Variants in FMN2 observed in about 807,000 individuals in gnomAD.
FMN2 encodes formin-2.
A neutral mutation model predicts 142.3 loss-of-function variants in FMN2; 51 were observed. That is an observed-to-expected ratio of 0.36 (90% CI 0.29 to 0.45). The LOEUF is 0.45. FMN2 is among the 20% of genes least tolerant of loss of function. The probability of loss-of-function intolerance (pLI) is 1.00; values close to 1 mark genes in which losing one functional copy is unlikely to be tolerated. For synonymous variants in FMN2, 882 were observed against 869.8 expected (o/e 1.01, Z -0.25); for missense variants, 1,936 against 2,122.8 (o/e 0.91, Z 1.73).
chr1:240,121,195 G>C (rs1401769999), intron 1 of FMN2, among the ~76,000 whole-genome samples: 1 of 151,532 alleles, frequency 6.6e-6, no homozygotes, highest in African/African-American at 2.4e-5. Flanking sequence ...CTATAGCTAT[G>C]ACTCTGCACT....
intron 1 of FMN2, among the ~76,000 whole-genome samples, chr1:240,097,581 T>G (rs1180599406): frequency 2.6e-5 from 4 of 152,120 alleles, no homozygotes; most frequent in African/African-American, 9.7e-5. Context: ...GGTCTTGATC[T>G]CCTGACCTCG....
chr1:240,468,985 G>A (rs1017054969), intron 16 of FMN2, among the ~76,000 whole-genome samples: 1 of 152,144 alleles, frequency 6.6e-6, no homozygotes, highest in African/African-American at 2.4e-5. Context: ...TCAGAGTTTT[G>A]TTGAAATAAA....
At chr1:240,436,080 T>A (rs572385014) in intron 15 of FMN2, among the ~76,000 whole-genome samples, 11 of 152,322 alleles carry the variant, frequency 7.2e-5, no homozygotes, top group African/African-American at 2.6e-4. Flanking sequence ...TGTCTTAGAC[T>A]CTGTGTGTTC....
chr1:240,222,365 C>T (rs1404382479), intron 6 of FMN2, among the ~76,000 whole-genome samples: 1 of 152,036 alleles, frequency 6.6e-6, no homozygotes, highest in Non-Finnish European at 1.5e-5. Context: ...GTTTTGGTAC[C>T]AGTACCATGC....
chr1:240,308,332 TA>T (rs1467541454), intron 8 of FMN2, among the ~76,000 whole-genome samples: 3 of 152,204 alleles, frequency 2.0e-5, no homozygotes, highest in African/African-American at 7.2e-5. Flanking sequence ...TAGAACTTTG[TA>T]AGACTTGAAC....
intron 16 of FMN2, 141 bp from the exon 17 acceptor site, chr1:240,472,231 A>G (rs1572349110): frequency 3.2e-6 from 2 of 631,372 alleles, no homozygotes; most frequent in East Asian, 3.0e-5. Context: ...TTCAAATGTC[A>G]GATAACATTC....
intron 6 of FMN2, among the ~76,000 whole-genome samples, chr1:240,229,198 G>A (rs1572093758): frequency 6.6e-6 from 1 of 152,124 alleles, no homozygotes; most frequent in African/African-American, 2.4e-5. Context: ...GGAGGAAGGA[G>A]GATTGAAAGC....
At chr1:240,199,652 C>A (rs913842058) in intron 4 of FMN2, among the ~76,000 whole-genome samples, 2 of 152,158 alleles carry the variant, frequency 1.3e-5, no homozygotes, top group Non-Finnish European at 2.9e-5. Context: ...GGAATTTTGG[C>A]TGACTTACTG....
chr1:240,225,345 G>A (rs1415550402), intron 6 of FMN2, among the ~76,000 whole-genome samples: 1 of 152,198 alleles, frequency 6.6e-6, no homozygotes, highest in Non-Finnish European at 1.5e-5. Flanking sequence ...GTGGTTAAGG[G>A]TAAAACCCTA....
chr1:240,142,520 G>A (rs938677411), intron 2 of FMN2: 8 of 368,230 alleles, frequency 2.2e-5, no homozygotes, highest in African/African-American at 3.4e-5. Flanking sequence ...GGGGATAAAG[G>A]TCTTTATTGA....
intron 6 of FMN2, among the ~76,000 whole-genome samples, chr1:240,233,023 G>A (rs137861585): frequency 1.2e-4 from 19 of 152,160 alleles, no homozygotes; most frequent in Non-Finnish European, 2.2e-4. Context: ...TGTTGCCCAC[G>A]CTTTTAAAAA....
chr1:240,099,760 T>C (rs1423153438), intron 1 of FMN2, among the ~76,000 whole-genome samples: 2 of 152,238 alleles, frequency 1.3e-5, no homozygotes, highest in Non-Finnish European at 2.9e-5. Context: ...CAGACCTTAC[T>C]GGCTGTCATC....
chr1:240,325,844 T>C (rs896627832), intron 8 of FMN2, among the ~76,000 whole-genome samples: 1 of 152,214 alleles, frequency 6.6e-6, no homozygotes, highest in African/African-American at 2.4e-5. Flanking sequence ...ACGGCTGTGA[T>C]GTACCTGATG....
chr1:240,213,206 G>A (rs1480615814), intron 6 of FMN2, among the ~76,000 whole-genome samples: 2 of 152,086 alleles, frequency 1.3e-5, no homozygotes, highest in African/African-American at 2.4e-5. Flanking sequence ...TGTCATTAAG[G>A]CATTTCATAA....
chr1:240,168,693 G>A (rs1664580325), intron 2 of FMN2, among the ~76,000 whole-genome samples: 1 of 152,094 alleles, frequency 6.6e-6, no homozygotes, highest in Non-Finnish European at 1.5e-5. Context: ...AGGAAAAAAA[G>A]ATATAGTAAG....
At chr1:240,245,360 G>A (rs1253478734) in intron 6 of FMN2, 1 of 391,320 alleles carries the variant, frequency 2.6e-6, no homozygotes, top group Non-Finnish European at 5.1e-6. Context: ...TACTCTCTGG[G>A]AGGAAGTGAT....
intron 16 of FMN2, among the ~76,000 whole-genome samples, chr1:240,449,566 A>G (rs1347255976): frequency 6.6e-6 from 1 of 152,134 alleles, no homozygotes. Flanking sequence ...CCGGCTATAG[A>G]ATTACAGTGT....
At chr1:240,112,410 G>A (rs993354688) in intron 1 of FMN2, among the ~76,000 whole-genome samples, 3 of 151,906 alleles carry the variant, frequency 2.0e-5, no homozygotes, top group African/African-American at 7.3e-5. Context: ...GATTACAGGC[G>A]TGAGCCACTG....
intron 1 of FMN2, among the ~76,000 whole-genome samples, 185 bp downstream of exon 1, chr1:240,093,909 G>C (rs1661107975): frequency 6.6e-6 from 1 of 152,232 alleles, no homozygotes; most frequent in Non-Finnish European, 1.5e-5. Context: ...GGACATACTT[G>C]TTGGTTTTCT....
Sources: allele counts gnomAD v4.1 joint callset (sites outside exome capture counted in the v4.1 genomes callset), GRCh38; gene constraint gnomAD v4.1.1; transcripts MANE v1.5; gene names NCBI Gene and HGNC (gene_info 2026-07-23, HGNC 2026-07-21).